FHIP1A: variants seen among roughly 807,000 people sequenced by gnomAD.
The protein encoded by FHIP1A is FHF complex subunit HOOK-interacting protein 1A.
Under a neutral mutation model 88.6 loss-of-function variants are expected in FHIP1A, and 61 were observed. The observed-to-expected ratio is 0.69, with a 90% CI of 0.56 to 0.85. FHIP1A has a LOEUF of 0.85. FHIP1A is among the 40% of genes least tolerant of loss of function. The pLI is 0.00. For synonymous variants in FHIP1A, 478 were observed against 496.0 expected (o/e 0.96, Z 0.48); for missense variants, 1,154 against 1,273.5 (o/e 0.91, Z 1.43).
intron 5 of FHIP1A, among the ~76,000 whole-genome samples, chr4:151,579,497 A>C (rs1560780265): frequency 6.6e-6 from 1 of 152,218 alleles, no homozygotes; most frequent in Non-Finnish European, 1.5e-5. Context: ...GTTTAATTCA[A>C]TTGTGTAATT....
At chr4:151,507,579 A>G (rs1240482556) in intron 3 of FHIP1A, among the ~76,000 whole-genome samples, 1 of 152,230 alleles carries the variant, frequency 6.6e-6, no homozygotes, top group East Asian at 1.9e-4. Flanking sequence ...ATATCATTAT[A>G]CATTGCCAAG....
chr4:151,495,847 T>A (rs919693566), intron 3 of FHIP1A, among the ~76,000 whole-genome samples: 2 of 152,094 alleles, frequency 1.3e-5, no homozygotes, highest in African/African-American at 4.8e-5. Context: ...GGTGTTGAAC[T>A]CTTGACCTCA....
intron 1 of FHIP1A, among the ~76,000 whole-genome samples, chr4:151,422,382 A>G (rs932875105): frequency 2.1e-5 from 3 of 139,872 alleles, no homozygotes; most frequent in African/African-American, 7.6e-5. Flanking sequence ...AAAAAAAAAT[A>G]TATATATGCA....
chr4:151,504,380 C>T (rs1452077066), intron 3 of FHIP1A, among the ~76,000 whole-genome samples: 4 of 152,022 alleles, frequency 2.6e-5, no homozygotes, highest in Non-Finnish European at 4.4e-5. Flanking sequence ...AACACTGGGC[C>T]CTCAGTGGTT....
At chr4:151,520,760 G>A (rs1731417604) in intron 3 of FHIP1A, among the ~76,000 whole-genome samples, 2 of 150,206 alleles carry the variant, frequency 1.3e-5, no homozygotes, top group African/African-American at 4.9e-5. Context: ...TCAGCTGGCA[G>A]AGGAAAATTC....
rs370765283 is a variant in FHIP1A, at chr4:151,646,615, A to G, written c.1284A>G (p.Arg428=). The change falls in exon 10 of 14, where the codon AGA becomes AGG. Residue 428 remains arginine, a synonymous_variant. Transcript: ENST00000435205. ...GTCAGAGGTGGGCTGTGAAGGAGAG[A>G]GACTGTTACTCTGTTTCTGCGGCCA... ...MLSQRWAVKE[R]DCYSVSAAKL... is the part of the protein sequence containing the mutation. The G allele has an allele frequency of 8.5e-4, 1,314 of 1,551,450 alleles. 1 individual carries two copies. The highest frequency in any genetic ancestry group is 1.1e-3 in the Non-Finnish European group (1,214 of 1,146,928).
chr4:151,548,066 G>GAAGGTTACATGGCTACT (rs1732575610), intron 3 of FHIP1A, among the ~76,000 whole-genome samples: 1 of 152,228 alleles, frequency 6.6e-6, no homozygotes, highest in Admixed American at 6.5e-5. Context: ...ATGTCCTGCT[G>GAAGGTTACATGGCTACT]AAGGTTACAT....
intron 2 of FHIP1A, among the ~76,000 whole-genome samples, chr4:151,466,944 A>G (rs1729341186): frequency 6.6e-6 from 1 of 152,216 alleles, no homozygotes; most frequent in African/African-American, 2.4e-5. Flanking sequence ...TGAAAACACC[A>G]AAAGCAATTG....
intron 3 of FHIP1A, among the ~76,000 whole-genome samples, chr4:151,496,807 C>CAAAGTGCTGGGATTA (rs1730480785): frequency 6.7e-6 from 1 of 149,886 alleles, no homozygotes; most frequent in Non-Finnish European, 1.5e-5. Context: ...AGCTGTCTGC[C>CAAAGTGCTGGGATTA]CACTTTGTCC....
intron 1 of FHIP1A, among the ~76,000 whole-genome samples, chr4:151,430,981 T>G (rs930081434): frequency 7.9e-5 from 12 of 152,216 alleles, no homozygotes; most frequent in African/African-American, 2.9e-4. Context: ...CAGTAAAAGC[T>G]TACATTTTCA....
At chr4:151,591,428 T>A (rs900275391) in intron 7 of FHIP1A, among the ~76,000 whole-genome samples, 2 of 152,122 alleles carry the variant, frequency 1.3e-5, no homozygotes, top group African/African-American at 4.8e-5. Flanking sequence ...ACATGAGCAT[T>A]ATTTTTTTTA....
Position 151,480,539 on chromosome 4 carries a change from G to C in FHIP1A, c.-247-1985G>C, listed in dbSNP as rs545790804. Among the ~76,000 whole-genome samples, 10 of 152,118 alleles carry C rather than the reference G, an allele frequency of 6.6e-5. No homozygotes were observed. The East Asian group carries it at 1.9e-3, about 29-fold the overall frequency. On this transcript the variant is annotated intron_variant, in intron 2 of 13. Coordinates refer to ENST00000435205, the MANE Select transcript of FHIP1A (RefSeq NM_001109977.3). The stretch of plus-strand genomic sequence containing the variant: ...CTCTCCAGCACATGATGATAAAACT[G>C]TTCCTGTGGGATACGGAAGAAGGAG...
At position 151,577,812 on chromosome 4, in the gene FHIP1A, C is replaced by T. The variant is rs889790060; in HGVS notation, c.468C>T (p.Pro156=). The change falls in exon 5 of 14, where the codon CCC becomes CCT. Residue 156 remains proline, a synonymous_variant. Transcript: ENST00000435205. ...GCTCTTGTTCAGGAACAACCACCCC[C>T]ACTGTGGAGGAGAAGCTGGTTGTCC... ...LLSSCSGTTT[P]TVEEKLVVLL... The T allele has an allele frequency of 1.3e-6, 2 of 1,551,966 alleles. No individual in the cohort carries two copies. Among genetic ancestry groups the T allele is most frequent in the African/African-American group, 1.4e-5 (1 of 73,040 alleles).
At chr4:151,632,752 G>A (rs929036256) in intron 8 of FHIP1A, among the ~76,000 whole-genome samples, 10 of 151,930 alleles carry the variant, frequency 6.6e-5, no homozygotes, top group African/African-American at 2.4e-4. Flanking sequence ...GAAATCACAA[G>A]GGAATTTAGA....
intron 3 of FHIP1A, among the ~76,000 whole-genome samples, chr4:151,516,919 A>G (rs1467905506): frequency 1.3e-5 from 2 of 152,114 alleles, no homozygotes; most frequent in Non-Finnish European, 2.9e-5. Context: ...CTAGAACTAG[A>G]AATACCATTT....
At chr4:151,615,841 A>G (rs1330645493) in intron 7 of FHIP1A, among the ~76,000 whole-genome samples, 4 of 152,348 alleles carry the variant, frequency 2.6e-5, no homozygotes, top group Admixed American at 6.5e-5. Context: ...TACTTTGGCC[A>G]TAAGTCACAC....
chr4:151,493,829 T>G (rs1730368547), intron 3 of FHIP1A, among the ~76,000 whole-genome samples: 1 of 152,156 alleles, frequency 6.6e-6, no homozygotes, highest in Non-Finnish European at 1.5e-5. Context: ...TACCTTAAGG[T>G]AATAAAAGCT....
intron 11 of FHIP1A, among the ~76,000 whole-genome samples, chr4:151,654,397 G>C (rs1737152772): frequency 6.6e-6 from 1 of 152,068 alleles, no homozygotes; most frequent in Middle Eastern, 3.2e-3. Flanking sequence ...CAGCAGTTTA[G>C]AGTTTGTAGG....
intron 1 of FHIP1A, among the ~76,000 whole-genome samples, chr4:151,412,974 G>A (rs189630789): frequency 8.9e-4 from 136 of 152,120 alleles, no homozygotes; most frequent in Admixed American, 7.3e-3. Context: ...GTGAGCCACC[G>A]TGCCTGGCCC....
Sources: gnomAD v4.1 joint callset for allele counts (sites outside exome capture counted in the v4.1 genomes callset) on GRCh38, gnomAD v4.1.1 for gene constraint, MANE v1.5 for transcripts, NCBI Gene and HGNC (gene_info 2026-07-23, HGNC 2026-07-21) for gene names.